The following PCCA variants were observed in gnomAD, a reference collection of about 807,000 sequenced individuals.
The protein encoded by PCCA is propionyl-CoA carboxylase subunit alpha.
In PCCA, 74 loss-of-function variants were observed where a neutral mutation model predicts 101.3. The ratio of observed to expected loss-of-function variants is 0.73; its 90% CI spans 0.61 to 0.89. The LOEUF (loss-of-function observed/expected upper bound fraction) is 0.89, where lower values mean the gene tolerates loss of function less well. Ranked by LOEUF, PCCA falls within the 40% of genes least tolerant of loss-of-function variation. The probability of loss-of-function intolerance (pLI) is 0.00; values close to 1 mark genes in which losing one functional copy is unlikely to be tolerated. For missense variants in PCCA, 891 were observed against 907.0 expected, an observed-to-expected ratio of 0.98 and a Z score of 0.23; for synonymous variants, 294 against 313.6, an observed-to-expected ratio of 0.94 and a Z score of 0.66.
chr13:100,490,165 C>G (rs902476421), intron 21 of PCCA: 2 of 152,148 alleles, frequency 1.3e-5, no homozygotes, highest in African/African-American at 2.4e-5. Flanking sequence ...ATAGAGACGG[C>G]AATAATGAAG....
At chr13:100,266,973 G>C (rs930514615) in intron 10 of PCCA, among the ~76,000 whole-genome samples, 3 of 152,064 alleles carry the variant, frequency 2.0e-5, no homozygotes, top group African/African-American at 7.2e-5. Flanking sequence ...TATTTATAAT[G>C]TTTTCTGATT....
At chr13:100,316,866 C>A (rs1227005953) in intron 16 of PCCA, among the ~76,000 whole-genome samples, 1 of 151,848 alleles carries the variant, frequency 6.6e-6, no homozygotes, top group African/African-American at 2.4e-5. Flanking sequence ...CTCTGCCTCC[C>A]AGGTTCAAGC....
At chr13:100,364,514 T>G (rs1003404103) in intron 18 of PCCA, among the ~76,000 whole-genome samples, 3 of 152,252 alleles carry the variant, frequency 2.0e-5, no homozygotes, top group South Asian at 2.1e-4. Flanking sequence ...TTATTTCTAT[T>G]GCAGAGCATA....
intron 14 of PCCA, chr13:100,305,848 A>G: frequency 2.3e-6 from 1 of 442,234 alleles, no homozygotes; most frequent in Non-Finnish European, 4.6e-6. Flanking sequence ...AGTGTGCTGA[A>G]TGATTTTTGT....
At chr13:100,187,957 C>T (rs1181446384) in intron 6 of PCCA, among the ~76,000 whole-genome samples, 1 of 151,694 alleles carries the variant, frequency 6.6e-6, no homozygotes, top group African/African-American at 2.4e-5. Context: ...TATACCTTTG[C>T]CTCCTCGTAG....
At chr13:100,327,024 AT>A (rs1010779844) in intron 16 of PCCA, among the ~76,000 whole-genome samples, 1 of 152,008 alleles carries the variant, frequency 6.6e-6, no homozygotes, top group African/African-American at 2.4e-5. Flanking sequence ...ACTAGGCTCA[AT>A]TTTTTTCTAC....
chr13:100,441,995 T>C (rs2080404922), intron 20 of PCCA, among the ~76,000 whole-genome samples: 3 of 137,820 alleles, frequency 2.2e-5, no homozygotes, highest in African/African-American at 4.9e-5. Flanking sequence ...TTTTCTTTTT[T>C]TTTTTTTTTT....
Position 100,400,630 on chromosome 13 carries a change from C to CTTTTTTTTTTTTTT in PCCA, c.1747-24999_1747-24986dup, listed in dbSNP as rs1281449669. 3.9e-3 allele frequency among the ~76,000 whole-genome samples: 357 copies of CTTTTTTTTTTTTTT among 90,754 alleles called. 8 individuals carry two copies. The highest frequency in any genetic ancestry group is 5.6e-3 in the Non-Finnish European group (280 of 49,638). The allele number at this position is 90,754 out of a possible 152,430, so 59.5% of individuals were successfully genotyped here. On this transcript the variant is annotated intron_variant, in intron 19 of 23. Transcript: ENST00000376285. ...TGATTGATCTTAGTTCTTTTTAGTTCTTTTTTTTTTTTTTTTTGAGAGTTT... is the reference window on the plus strand; with the variant it reads ...TGATTGATCTTAGTTCTTTTTAGTTCTTTTTTTTTTTTTTTTTTTTTTTTTTTTTTTGAGAGTTT...
At chr13:100,497,746 A>T (rs2085379706) in intron 21 of PCCA, among the ~76,000 whole-genome samples, 1 of 152,128 alleles carries the variant, frequency 6.6e-6, no homozygotes, top group African/African-American at 2.4e-5. Flanking sequence ...TGTTCAAAAG[A>T]ATTTAGCGAG....
In PCCA at chr13:100,368,503, T is replaced by G. The variant is rs2075362699; in HGVS notation, c.1675T>G (p.Trp559Gly). Residue 559 changes from tryptophan (W) to glycine (G), a missense_variant, in exon 19 of 24, where the codon TGG becomes GGG. Transcript: ENST00000376285. ...MPVIKPDIANWELSVKLHDKV... is the reference protein window; with the variant it reads ...MPVIKPDIANGELSVKLHDKV... ...TGTTATTAAACCAGACATAGCCAAC[T>G]GGGAGCTCTCAGTAAAATTGCATGA... The G allele has an allele frequency of 6.2e-7, 1 of 1,609,228 alleles. No homozygotes were observed. Among genetic ancestry groups the G allele is most frequent in the Non-Finnish European group, 8.5e-7 (1 of 1,176,012 alleles).
intron 8 of PCCA, among the ~76,000 whole-genome samples, chr13:100,243,418 C>T (rs2061263695): frequency 6.6e-6 from 1 of 152,114 alleles, no homozygotes; most frequent in South Asian, 2.1e-4. Context: ...CCCTTTTCCC[C>T]CTTAATCTTC....
At chr13:100,165,708 T>G (rs2054959934) in intron 6 of PCCA, among the ~76,000 whole-genome samples, 1 of 152,162 alleles carries the variant, frequency 6.6e-6, no homozygotes, top group African/African-American at 2.4e-5. Context: ...TACAATTCAC[T>G]CTCCTGTACA....
chr13:100,528,692 T>G (rs893916089), intron 23 of PCCA, among the ~76,000 whole-genome samples: 7 of 152,214 alleles, frequency 4.6e-5, no homozygotes, highest in African/African-American at 1.7e-4. Flanking sequence ...TGTGGACAGT[T>G]GCACTGTGCT....
At chr13:100,268,197 T>G (rs2063070939) in intron 10 of PCCA, among the ~76,000 whole-genome samples, 1 of 152,206 alleles carries the variant, frequency 6.6e-6, no homozygotes, top group Non-Finnish European at 1.5e-5. Flanking sequence ...TTTAGCAGTT[T>G]CCTAGAACAA....
intron 19 of PCCA, among the ~76,000 whole-genome samples, chr13:100,397,216 T>C (rs1044479154): frequency 1.3e-5 from 2 of 152,216 alleles, no homozygotes; most frequent in African/African-American, 4.8e-5. Flanking sequence ...GACAAGTATC[T>C]GCATTGGCTG....
chr13:100,183,174 G>T (rs2056956126), intron 6 of PCCA, among the ~76,000 whole-genome samples: 1 of 152,052 alleles, frequency 6.6e-6, no homozygotes, highest in Non-Finnish European at 1.5e-5. Context: ...GATTCATGAG[G>T]GGGAGTATTT....
intron 20 of PCCA, among the ~76,000 whole-genome samples, chr13:100,437,910 T>C (rs1031268042): frequency 6.6e-6 from 1 of 152,172 alleles, no homozygotes; most frequent in South Asian, 2.1e-4. Flanking sequence ...CTTCAAGTTA[T>C]CTGCCCGCCT....
chr13:100,492,198 G>GCA (rs2084954699), intron 21 of PCCA, among the ~76,000 whole-genome samples: 1 of 151,884 alleles, frequency 6.6e-6, no homozygotes, highest in Non-Finnish European at 1.5e-5. Context: ...GCAGTGGCAT[G>GCA]ATCTCGGCTC....
At chr13:100,287,005 C>A (rs535471409) in intron 12 of PCCA, among the ~76,000 whole-genome samples, 1 of 152,134 alleles carries the variant, frequency 6.6e-6, no homozygotes, top group African/African-American at 2.4e-5. Flanking sequence ...TCAAATATTT[C>A]ATCTTTAATG....
Sources: allele counts gnomAD v4.1 joint callset (sites outside exome capture counted in the v4.1 genomes callset), GRCh38; gene constraint gnomAD v4.1.1; transcripts MANE v1.5; gene names NCBI Gene and HGNC (gene_info 2026-07-23, HGNC 2026-07-21).